ANGPTL5: variants seen among roughly 807,000 people sequenced by gnomAD.
ANGPTL5 encodes the protein angiopoietin-related protein 5.
ANGPTL5 carries 34 observed loss-of-function variants against 39.4 expected under a neutral mutation model. That is an observed-to-expected ratio of 0.86 (90% CI 0.66 to 1.15). The LOEUF is 1.15. Ranked by LOEUF, ANGPTL5 falls within the 50% of genes most tolerant of loss-of-function variation. ANGPTL5 has a pLI of 0.00. For missense variants in ANGPTL5, 467 were observed against 457.5 expected (o/e 1.02, Z -0.19); for synonymous variants, 146 against 152.1 (o/e 0.96, Z 0.29).
At chr11:101,902,121 C>G (rs1328689662) in intron 6 of ANGPTL5, among the ~76,000 whole-genome samples, 1 of 152,086 alleles carries the variant, frequency 6.6e-6, no homozygotes, top group African/African-American at 2.4e-5. Flanking sequence ...TTGTACCCCA[C>G]TGAAAGGTTT....
chr11:101,900,524 T>C lies in ANGPTL5; in HGVS notation c.567A>G (p.Gly189=). 1 of 1,611,268 alleles carries C rather than the reference T, an allele frequency of 6.2e-7. No individual in the cohort carries two copies. The highest frequency in any genetic ancestry group is 8.5e-7 in the Non-Finnish European group (1 of 1,177,670). The change falls in exon 7 of 9, where the codon GGA becomes GGG. Residue 189 remains glycine (G), a synonymous_variant. Coordinates refer to ENST00000334289, the MANE Select transcript of ANGPTL5 (RefSeq NM_178127.5). ...TTTTCTGTATCACAGTCCGTCCACC[T>C]CCTCTGTAATCCATGTCACACATTA... ...FEVMCDMDYR[G]GGRTVIQKRI... is the part of the protein sequence containing the mutation.
At chr11:101,905,992 T>A (rs1438264580) in intron 3 of ANGPTL5, 145 bp from the exon 4 acceptor site, 5 of 623,176 alleles carry the variant, frequency 8.0e-6, no homozygotes, top group Non-Finnish European at 1.4e-5. Context: ...AATTACATAT[T>A]TTAGTTAGTA....
At chr11:101,896,543 T>C (rs112259823) in intron 7 of ANGPTL5, among the ~76,000 whole-genome samples, 1,917 of 152,242 alleles carry the variant, frequency 0.013, 41 homozygotes, top group African/African-American at 0.044. Context: ...TGTGTGATGT[T>C]CCCCTCCTTG....
At chr11:101,898,481 T>C (rs1939837832) in intron 7 of ANGPTL5, among the ~76,000 whole-genome samples, 1 of 152,230 alleles carries the variant, frequency 6.6e-6, no homozygotes, top group Non-Finnish European at 1.5e-5. Flanking sequence ...TTATGATTTT[T>C]ACACATTGAT....
intron 8 of ANGPTL5, among the ~76,000 whole-genome samples, chr11:101,892,831 T>G (rs930639514): frequency 1.3e-5 from 2 of 152,248 alleles, no homozygotes; most frequent in Non-Finnish European, 2.9e-5. Context: ...GATAAATCTT[T>G]TGAAAGAGCC....
intron 3 of ANGPTL5, among the ~76,000 whole-genome samples, chr11:101,906,249 A>T (rs1045485638): frequency 1.2e-4 from 18 of 152,158 alleles, no homozygotes; most frequent in Admixed American, 1.3e-4. Context: ...GTTAATTTTA[A>T]AAAGTACATC....
At position 101,891,612 on chromosome 11, in the gene ANGPTL5, T is replaced by A; in HGVS notation, c.848-14A>T. ...GGAATGCATCACCTGGGAAAAAAATTTTTAATGATCGAATTTAAAGGAAAT... is the reference window on the plus strand; with the variant it reads ...GGAATGCATCACCTGGGAAAAAAATATTTAATGATCGAATTTAAAGGAAAT... On this transcript the variant is annotated splice_polypyrimidine_tract_variant and intron_variant, in intron 8 of 8. Coordinates refer to ENST00000334289, the MANE Select transcript of ANGPTL5 (RefSeq NM_178127.5). 5.6e-6 allele frequency: 9 copies of A among 1,612,476 alleles called. No individual in the cohort carries two copies. Among genetic ancestry groups the A allele is most frequent in the Non-Finnish European group, 7.6e-6 (9 of 1,178,986 alleles).
At chr11:101,898,492 G>A (rs1191199949) in intron 7 of ANGPTL5, among the ~76,000 whole-genome samples, 1 of 152,150 alleles carries the variant, frequency 6.6e-6, no homozygotes, top group African/African-American at 2.4e-5. Flanking sequence ...ACACATTGAT[G>A]TTGTGTCCTG....
At chr11:101,903,999 T>C (rs1939955145) in intron 5 of ANGPTL5, among the ~76,000 whole-genome samples, 1 of 152,148 alleles carries the variant, frequency 6.6e-6, no homozygotes, top group Non-Finnish European at 1.5e-5. Context: ...ATCAGTTTAC[T>C]GATGAGAAAA....
At chr11:101,913,775 C>T (rs1940134466) in intron 1 of ANGPTL5, among the ~76,000 whole-genome samples, 1 of 152,174 alleles carries the variant, frequency 6.6e-6, no homozygotes, top group Non-Finnish European at 1.5e-5. Context: ...CTGTACTTTG[C>T]ACTGCCCTAC....
At chr11:101,904,754 C>T (rs192944312) in intron 5 of ANGPTL5, 60 bp downstream of exon 5, 1 of 1,441,482 alleles carries the variant, frequency 6.9e-7, no homozygotes, top group Admixed American at 1.7e-5. Flanking sequence ...TCGACCTGTC[C>T]AGGAAAATTT....
rs796712112 is a variant in ANGPTL5 at position 101,909,692 on chromosome 11, GA to G, written c.-92-1692del. 2.1e-3 allele frequency among the ~76,000 whole-genome samples: 301 copies of G among 144,214 alleles called. 2 individuals are homozygous for G. Among genetic ancestry groups the G allele is most frequent in the South Asian group, 8.0e-3 (37 of 4,600 alleles). 94.6% of individuals were successfully genotyped at this position (144,214 alleles called of 152,430 possible). On this transcript the variant is annotated intron_variant, in intron 1 of 8. Transcript: ENST00000334289. ...CAAGAAAATACTTCAGTGGAAGATGGAAAAAAAAAAATAGCCTCAGCCAAGA... is the reference window on the plus strand; with the variant it reads ...CAAGAAAATACTTCAGTGGAAGATGGAAAAAAAAAATAGCCTCAGCCAAGA...
intron 1 of ANGPTL5, among the ~76,000 whole-genome samples, chr11:101,911,117 TTTTTTTTTTTTTTTTTTTTTTTTTG>T (rs1166458150): frequency 2.2e-5 from 2 of 89,208 alleles, no homozygotes; most frequent in Admixed American, 1.1e-4. Flanking sequence ...TTTTTTTTTT[TTTTTTTTTTTTTTTTTTTTTTTTTG>T]AGACAGAGCC....
chr11:101,915,122 C>G (rs2137071576), intron 1 of ANGPTL5: 5 of 1,081,560 alleles, frequency 4.6e-6, no homozygotes, highest in Non-Finnish European at 6.5e-6. Flanking sequence ...GGCACCAGTG[C>G]CGCTGCGCGG....
chr11:101,907,721 T>A lies in ANGPTL5; in HGVS notation c.96+93A>T, dbSNP rs550425046. ...TTTTAATTGTTCCATAAATTATATT[T>A]GGTAGTTATGATTAATCTTTTCAAA... On this transcript the variant is annotated intron_variant, in intron 2 of 8. Transcript: ENST00000334289. 3.7e-6 allele frequency: 3 copies of A among 811,500 alleles called. No homozygotes were observed. In the East Asian group the frequency reaches 8.2e-5, roughly 22 times the overall value. The allele number at this position is 811,500 out of a possible 1,614,324, so 50.3% of individuals were successfully genotyped here.
At chr11:101,914,805 T>G (rs1268710149) in intron 1 of ANGPTL5, among the ~76,000 whole-genome samples, 1 of 151,972 alleles carries the variant, frequency 6.6e-6, no homozygotes, top group East Asian at 1.9e-4. Flanking sequence ...ACAAAAACAC[T>G]CTCATAAAAA....
chr11:101,904,994 G>A (rs996803303), intron 4 of ANGPTL5, 87 bp from the exon 5 acceptor site: 13 of 937,426 alleles, frequency 1.4e-5, no homozygotes, highest in South Asian at 5.5e-5. Context: ...TCTGAAATAC[G>A]TAATGGTGCC....
At chr11:101,897,567 C>T (rs1181095006) in intron 7 of ANGPTL5, among the ~76,000 whole-genome samples, 10 of 152,062 alleles carry the variant, frequency 6.6e-5, no homozygotes, top group African/African-American at 1.2e-4. Context: ...TTCAGTTTTC[C>T]GCATATGGCT....
intron 6 of ANGPTL5, among the ~76,000 whole-genome samples, chr11:101,901,398 A>T (rs191398725): frequency 1.3e-5 from 2 of 152,178 alleles, no homozygotes; most frequent in East Asian, 3.9e-4. Flanking sequence ...CTGTTTTCAG[A>T]CTGGCATTTT....
Sources: allele counts gnomAD v4.1 joint callset (sites outside exome capture counted in the v4.1 genomes callset), GRCh38; gene constraint gnomAD v4.1.1; transcripts MANE v1.5; gene names NCBI Gene and HGNC (gene_info 2026-07-23, HGNC 2026-07-21).